Variants in PRMT7 observed in about 807,000 individuals in gnomAD.
PRMT7 encodes protein arginine N-methyltransferase 7.
PRMT7 carries 75 observed loss-of-function variants against 85.4 expected under a neutral mutation model. That is an observed-to-expected ratio of 0.88 (90% CI 0.73 to 1.06). The LOEUF (loss-of-function observed/expected upper bound fraction) is 1.06, where lower values mean the gene tolerates loss of function less well. Ranked by LOEUF, PRMT7 falls within the 50% of genes least tolerant of loss-of-function variation. The pLI, the probability that PRMT7 is intolerant of heterozygous loss-of-function variation, is 0.00. For synonymous variants in PRMT7, 397 were observed against 359.5 expected, an observed-to-expected ratio of 1.10 and a Z score of -1.18; for missense variants, 868 against 915.2, an observed-to-expected ratio of 0.95 and a Z score of 0.67.
At chr16:68,356,609 A>T (rs2088560994) in intron 17 of PRMT7, 92 bp from the exon 18 acceptor site, 3 of 921,284 alleles carry the variant, frequency 3.3e-6, no homozygotes, top group Non-Finnish European at 3.4e-6. Context: ...AGTGGGGAAG[A>T]CCACAGGTTT....
chr16:68,332,680 G>C (rs1373283890), intron 6 of PRMT7, among the ~76,000 whole-genome samples: 1 of 152,110 alleles, frequency 6.6e-6, no homozygotes, highest in South Asian at 2.1e-4. Context: ...TTTCCTCTCT[G>C]ATTCTCTGCC....
rs1263775192 is a variant in PRMT7 at position 68,353,383 on chromosome 16, G to A, written c.1576-109G>A. 2.6e-6 allele frequency: 4 copies of A among 1,560,206 alleles called. No individual in the cohort carries two copies. The African/African-American group carries it at 5.5e-5, about 21-fold the overall frequency. ...CTCTCTGAGCCCCTTCATACTTGGGGGTCTCTTTCAGGTGTGCAGGGAACA... is the reference window on the plus strand; with the variant it reads ...CTCTCTGAGCCCCTTCATACTTGGGAGTCTCTTTCAGGTGTGCAGGGAACA... On this transcript the variant is annotated intron_variant, in intron 15 of 18. Coordinates refer to ENST00000441236, the MANE Select transcript of PRMT7 (RefSeq NM_019023.5).
chr16:68,326,603 C>G (rs1463560010), intron 5 of PRMT7, among the ~76,000 whole-genome samples: 2 of 152,276 alleles, frequency 1.3e-5, no homozygotes, highest in Non-Finnish European at 2.9e-5. Flanking sequence ...TTATAGCAAA[C>G]CTCTCCTTGG....
At position 68,337,522 on chromosome 16, in the gene PRMT7, G is replaced by A. The variant is rs369694211; in HGVS notation, c.455G>A (p.Gly152Glu). Reference sequence around the variant, plus strand: ...GAGTTGTTTGACACAGAGCTGATCGGGGAGGGGGCGCTGCCCTCCTATGAG... The same window carrying A: ...GAGTTGTTTGACACAGAGCTGATCGAGGAGGGGGCGCTGCCCTCCTATGAG... ...VTELFDTELIGEGALPSYEHA... is the reference protein window; with the variant it reads ...VTELFDTELIEEGALPSYEHA... The change falls in exon 7 of 19, where the codon GGG (glycine) becomes GAG (glutamate). Residue 152 changes from glycine (G) to glutamate (E), a missense_variant. Gly to Glu is a moderately conservative substitution (Grantham distance 98). Transcript: ENST00000441236. 16 of 1,611,816 alleles carry A rather than the reference G, an allele frequency of 9.9e-6. No individual in the cohort carries two copies. The highest frequency in any genetic ancestry group is 1.2e-5 in the Non-Finnish European group (14 of 1,178,464).
chr16:68,331,342 C>T (rs922576005), intron 6 of PRMT7, among the ~76,000 whole-genome samples: 1 of 152,050 alleles, frequency 6.6e-6, no homozygotes, highest in Admixed American at 6.6e-5. Context: ...ACTTGTTTAT[C>T]TCTCTACCTG....
chr16:68,346,442 G>A lies in PRMT7; in HGVS notation c.1191+162G>A, dbSNP rs573972149. Among the ~76,000 whole-genome samples the A allele has an allele frequency of 5.9e-5, 9 of 152,308 alleles. No homozygotes were observed. The East Asian group carries it at 9.7e-4, about 16-fold the overall frequency. ...CTGGGTGGGCACTGGAGCAGAAAGC[G>A]GGAGAGCCTGGGGCTGGACTTCCTG... On this transcript the variant is annotated intron_variant, in intron 11 of 18. Transcript: ENST00000441236.
At chr16:68,341,148 C>T (rs2085467916) in intron 9 of PRMT7, among the ~76,000 whole-genome samples, 1 of 152,098 alleles carries the variant, frequency 6.6e-6, no homozygotes, top group Non-Finnish European at 1.5e-5. Context: ...TCCTTGTATA[C>T]CTTTTGAATT....
chr16:68,346,818 C>G lies in PRMT7; in HGVS notation c.1192-393C>G, dbSNP rs539325665. Among the ~76,000 whole-genome samples, 512 of 152,098 alleles carry G rather than the reference C, an allele frequency of 3.4e-3. 7 individuals are homozygous for G. The highest frequency in any genetic ancestry group is 0.012 in the African/African-American group (478 of 41,494). On this transcript the variant is annotated intron_variant, in intron 11 of 18. Transcript: ENST00000441236. ...GATCCAAGCCATCCTGAGTTTCTCTCAGAGGGGTCTGTCACCCAGAAAGGC... is the reference window on the plus strand; with the variant it reads ...GATCCAAGCCATCCTGAGTTTCTCTGAGAGGGGTCTGTCACCCAGAAAGGC...
At position 68,316,043 on chromosome 16, in the gene PRMT7, G is replaced by A. The variant is rs2081810129; in HGVS notation, c.64G>A (p.Glu22Lys). 1.9e-6 allele frequency: 3 copies of A among 1,613,632 alleles called. No individual in the cohort carries two copies. In the Middle Eastern group the frequency reaches 5.0e-4, roughly 266 times the overall value. ...TGSVEWLEEDEHYDYHQEIAR... is the reference protein window; with the variant it reads ...TGSVEWLEEDKHYDYHQEIAR... The stretch of plus-strand genomic sequence containing the variant: ...GTCTGTGGAGTGGCTGGAGGAGGAT[G>A]AACACTATGATTACCACCAGGAGAT... Residue 22 changes from glutamate to lysine, a missense_variant, in exon 3 of 19, where the codon GAA becomes AAA. Coordinates refer to ENST00000441236, the MANE Select transcript of PRMT7 (RefSeq NM_019023.5).
Position 68,324,723 on chromosome 16 carries a change from G to T in PRMT7, c.173G>T (p.Arg58Met). 1 of 1,614,256 alleles carries T rather than the reference G, an allele frequency of 6.2e-7. No homozygotes were observed. The highest frequency in any genetic ancestry group is 8.5e-7 in the Non-Finnish European group (1 of 1,180,034). The change falls in exon 5 of 19, where the codon AGG becomes ATG. Residue 58 changes from arginine to methionine, a missense_variant. Transcript: ENST00000441236. ...CAAGGTATCCGGGCTGCCGTGAGCAGGGTGAAGGACAGAGGACAGAAGGCC... is the reference window on the plus strand; with the variant it reads ...CAAGGTATCCGGGCTGCCGTGAGCATGGTGAAGGACAGAGGACAGAAGGCC... ...YYQGIRAAVS[R>M]VKDRGQKALV... is the part of the protein sequence containing the mutation.
chr16:68,321,388 T>C (rs1440120877), intron 3 of PRMT7, 38 bp from the exon 4 acceptor site: 4 of 1,532,144 alleles, frequency 2.6e-6, no homozygotes, highest in Non-Finnish European at 3.6e-6. Flanking sequence ...TGTGTTGATG[T>C]GTATCATGCA....
intron 14 of PRMT7, among the ~76,000 whole-genome samples, chr16:68,349,364 A>G (rs900279091): frequency 6.6e-6 from 1 of 152,010 alleles, no homozygotes. Context: ...ACTCTTTACT[A>G]TTTTGGATTC....
chr16:68,348,631 CTTTTTTTTTTTTTTTTT>C (rs56041186), intron 14 of PRMT7, among the ~76,000 whole-genome samples, 200 bp downstream of exon 14: 5 of 67,602 alleles, frequency 7.4e-5, no homozygotes, highest in African/African-American at 1.3e-4. Context: ...TTGCACTGCT[CTTTTTTTTTTTTTTTTT>C]TTTTTTTTTT....
intron 14 of PRMT7, among the ~76,000 whole-genome samples, chr16:68,350,841 G>T (rs899904710): frequency 6.6e-6 from 1 of 152,198 alleles, no homozygotes; most frequent in Non-Finnish European, 1.5e-5. Context: ...TTCGTGGCTG[G>T]CCTCTCATGT....
chr16:68,356,641 A>AGCTCCTGCG, intron 17 of PRMT7, 60 bp from the exon 18 acceptor site: 2 of 1,325,218 alleles, frequency 1.5e-6, no homozygotes, highest in Non-Finnish European at 1.1e-6. Flanking sequence ...CAGGAGCTGC[A>AGCTCCTGCG]GCTGTTCCCC....
At chr16:68,315,150 A>G (rs2044544845) in intron 2 of PRMT7, 1 of 151,646 alleles carries the variant, frequency 6.6e-6, no homozygotes, top group Non-Finnish European at 1.5e-5. Flanking sequence ...TAATATCGTG[A>G]ACATTTATGT....
At chr16:68,349,127 A>G (rs1567728581) in intron 14 of PRMT7, among the ~76,000 whole-genome samples, 1 of 151,664 alleles carries the variant, frequency 6.6e-6, no homozygotes, top group Non-Finnish European at 1.5e-5. Context: ...CCTCGTCGTT[A>G]CTCCCACGGT....
intron 6 of PRMT7, among the ~76,000 whole-genome samples, chr16:68,332,269 T>G (rs2084010268): frequency 6.6e-6 from 1 of 152,146 alleles, no homozygotes; most frequent in Non-Finnish European, 1.5e-5. Context: ...GTAGGATGTT[T>G]AGCAGTGTCC....
At chr16:68,341,686 G>A (rs1019053012) in intron 9 of PRMT7, among the ~76,000 whole-genome samples, 5 of 152,188 alleles carry the variant, frequency 3.3e-5, no homozygotes, top group African/African-American at 9.6e-5. Context: ...GGGATTACAG[G>A]CGTGAGCCGC....
Sources: gnomAD v4.1 joint callset for allele counts (sites outside exome capture counted in the v4.1 genomes callset) on GRCh38, gnomAD v4.1.1 for gene constraint, MANE v1.5 for transcripts, NCBI Gene and HGNC (gene_info 2026-07-23, HGNC 2026-07-21) for gene names.